TMEM108: variants seen among roughly 807,000 people sequenced by gnomAD.
The protein encoded by TMEM108 is cancer/testis antigen 124.
TMEM108 carries 12 observed loss-of-function variants against 35.1 expected under a neutral mutation model. The ratio of observed to expected loss-of-function variants is 0.34; its 90% confidence interval spans 0.22 to 0.55. The LOEUF is 0.55. TMEM108 is among the 20% of genes least tolerant of loss of function. The probability of loss-of-function intolerance (pLI) is 0.89; values close to 1 mark genes in which losing one functional copy is unlikely to be tolerated. For missense variants in TMEM108, 680 were observed against 753.3 expected (o/e 0.90, Z 1.14); for synonymous variants, 287 against 308.6 (o/e 0.93, Z 0.73).
intron 3 of TMEM108, among the ~76,000 whole-genome samples, chr3:133,325,205 C>T (rs942626834): frequency 6.6e-6 from 1 of 152,040 alleles, no homozygotes; most frequent in African/African-American, 2.4e-5. Flanking sequence ...GTTTGAAGAC[C>T]ATTATTCTAA....
chr3:133,056,522 G>C (rs1943467914), intron 2 of TMEM108, among the ~76,000 whole-genome samples: 1 of 152,140 alleles, frequency 6.6e-6, no homozygotes, highest in Non-Finnish European at 1.5e-5. Context: ...TCCTGCCCAG[G>C]TTCTATTTTC....
intron 2 of TMEM108, among the ~76,000 whole-genome samples, chr3:133,210,284 C>A (rs1052889292): frequency 6.6e-6 from 1 of 152,156 alleles, no homozygotes; most frequent in Admixed American, 6.5e-5. Flanking sequence ...TTCAGGGAGT[C>A]TGATTTCCTT....
intron 2 of TMEM108, among the ~76,000 whole-genome samples, chr3:133,137,512 T>C (rs1475218702): frequency 6.6e-6 from 1 of 152,192 alleles, no homozygotes; most frequent in Admixed American, 6.5e-5. Context: ...AAGGAAAACA[T>C]CTGAAGGGGC....
At chr3:133,386,646 T>C (rs2073154570) in intron 4 of TMEM108, 1 of 1,415,074 alleles carries the variant, frequency 7.1e-7, no homozygotes, top group Non-Finnish European at 9.2e-7. Flanking sequence ...TCTTGATGGC[T>C]ACTGCCTCAG....
intron 2 of TMEM108, 80 bp from the exon 3 acceptor site, chr3:133,229,186 A>G (rs902163743): frequency 2.2e-6 from 2 of 895,876 alleles, no homozygotes; most frequent in African/African-American, 3.4e-5. Context: ...ATTATAACCA[A>G]GATCCTATTG....
intron 2 of TMEM108, among the ~76,000 whole-genome samples, chr3:133,100,750 ATTT>A (rs919652021): frequency 2.0e-5 from 3 of 152,038 alleles, no homozygotes; most frequent in Non-Finnish European, 4.4e-5. Flanking sequence ...CCTGGAAGCA[ATTT>A]TTTTTGTAAA....
intron 2 of TMEM108, among the ~76,000 whole-genome samples, chr3:133,106,888 C>G (rs965635169): frequency 1.3e-5 from 2 of 152,176 alleles, no homozygotes; most frequent in Non-Finnish European, 1.5e-5. Context: ...AGAATCCTAA[C>G]CTGCAGAAAC....
At chr3:133,223,579 T>G (rs140626600) in intron 2 of TMEM108, among the ~76,000 whole-genome samples, 1 of 152,338 alleles carries the variant, frequency 6.6e-6, no homozygotes, top group Non-Finnish European at 1.5e-5. Flanking sequence ...CTGATGTGAT[T>G]AATATTTTCT....
intron 3 of TMEM108, among the ~76,000 whole-genome samples, chr3:133,344,955 G>A (rs1296177438): frequency 2.0e-5 from 3 of 151,770 alleles, no homozygotes. Flanking sequence ...TTCCCAAAAA[G>A]AAGTTTTTTA....
intron 3 of TMEM108, among the ~76,000 whole-genome samples, chr3:133,257,534 A>C (rs1201484103): frequency 6.6e-6 from 1 of 152,218 alleles, no homozygotes; most frequent in Non-Finnish European, 1.5e-5. Flanking sequence ...CCCTGAAACA[A>C]AACCTAAAGA....
chr3:133,245,303 C>T (rs1946369383), intron 3 of TMEM108, among the ~76,000 whole-genome samples: 1 of 152,200 alleles, frequency 6.6e-6, no homozygotes, highest in African/African-American at 2.4e-5. Context: ...TCCTCTCCTA[C>T]ATCCCTCTGC....
chr3:133,202,902 T>C (rs1945692164), intron 2 of TMEM108, among the ~76,000 whole-genome samples: 1 of 152,242 alleles, frequency 6.6e-6, no homozygotes, highest in South Asian at 2.1e-4. Context: ...ATTTTCATGA[T>C]ATTGATTCTT....
rs561867506 is a variant in TMEM108 at position 133,150,936 on chromosome 3, C to T, written c.-46-78330C>T. ...CTTATACAACATTTCCTGGTCAGTC[C>T]CCAGTTTACCTCCTTTGAGCTCATT... On this transcript the variant is annotated intron_variant, in intron 2 of 5. Transcript: ENST00000321871. Among the ~76,000 whole-genome samples, 17 of 152,150 alleles carry T rather than the reference C, an allele frequency of 1.1e-4. No individual in the cohort carries two copies. In the Middle Eastern group the frequency reaches 0.014, roughly 122 times the overall value.
intron 3 of TMEM108, among the ~76,000 whole-genome samples, chr3:133,231,571 T>A (rs547101880): frequency 6.6e-6 from 1 of 152,306 alleles, no homozygotes; most frequent in South Asian, 2.1e-4. Flanking sequence ...GAAGATTTAT[T>A]ATGAATTAAT....
intron 3 of TMEM108, among the ~76,000 whole-genome samples, chr3:133,319,585 A>G (rs1369433432): frequency 2.6e-5 from 4 of 152,364 alleles, no homozygotes; most frequent in Non-Finnish European, 4.4e-5. Flanking sequence ...AAGCTAGTAC[A>G]CTAAACATAT....
intron 2 of TMEM108, among the ~76,000 whole-genome samples, chr3:133,056,712 T>TA (rs35567687): frequency 0.031 from 4,699 of 152,320 alleles, 106 homozygotes; most frequent in Non-Finnish European, 0.052. Context: ...CATCTAAAGA[T>TA]ACATTTTCCT....
At chr3:133,184,026 A>G (rs1945385353) in intron 2 of TMEM108, among the ~76,000 whole-genome samples, 1 of 152,222 alleles carries the variant, frequency 6.6e-6, no homozygotes, top group African/African-American at 2.4e-5. Context: ...AGTGGATGCC[A>G]GGCAGTACAG....
chr3:133,176,365 A>T (rs1023262100), intron 2 of TMEM108, among the ~76,000 whole-genome samples: 2 of 152,252 alleles, frequency 1.3e-5, no homozygotes, highest in Admixed American at 1.3e-4. Context: ...TCAACAGAAT[A>T]TACATTTTTT....
intron 3 of TMEM108, among the ~76,000 whole-genome samples, chr3:133,286,856 ACTT>A (rs1946992873): frequency 6.6e-6 from 1 of 152,216 alleles, no homozygotes; most frequent in East Asian, 1.9e-4. Flanking sequence ...AACTAAAAAA[ACTT>A]CTCTTATCAG....
Sources: allele counts gnomAD v4.1 joint callset (sites outside exome capture counted in the v4.1 genomes callset), GRCh38; gene constraint gnomAD v4.1.1; transcripts MANE v1.5; gene names NCBI Gene and HGNC (gene_info 2026-07-23, HGNC 2026-07-21).